Variants in KCNH7 observed in about 807,000 individuals in gnomAD.
The protein encoded by KCNH7 is voltage-gated inwardly rectifying potassium channel KCNH7.
KCNH7 carries 49 observed loss-of-function variants against 120.8 expected under a neutral mutation model. The observed-to-expected ratio is 0.41, with a 90% CI of 0.32 to 0.51. The LOEUF is 0.51. Among genes scored for constraint, KCNH7 ranks in the 20% least tolerant of loss-of-function variants. The pLI is 0.38. For missense variants in KCNH7, 1,097 were observed against 1,446.6 expected (o/e 0.76, Z 3.92); for synonymous variants, 547 against 516.1 (o/e 1.06, Z -0.81).
intron 2 of KCNH7, among the ~76,000 whole-genome samples, chr2:162,606,903 C>T (rs1682791545): frequency 6.6e-6 from 1 of 151,960 alleles, no homozygotes; most frequent in African/African-American, 2.4e-5. Context: ...CGAGAAACAG[C>T]TTAAATTTTA....
intron 2 of KCNH7, among the ~76,000 whole-genome samples, chr2:162,546,670 T>C (rs753449570): frequency 7.2e-5 from 11 of 152,174 alleles, no homozygotes; most frequent in Non-Finnish European, 1.6e-4. Context: ...TTGTGCTCTA[T>C]GTTTATAGCT....
At chr2:162,569,144 G>A (rs1484638404) in intron 2 of KCNH7, among the ~76,000 whole-genome samples, 2 of 152,078 alleles carry the variant, frequency 1.3e-5, no homozygotes, top group East Asian at 1.9e-4. Flanking sequence ...ATTCGGCTGT[G>A]AATCCATCTG....
intron 2 of KCNH7, among the ~76,000 whole-genome samples, chr2:162,625,775 A>G (rs1336282309): frequency 6.6e-6 from 1 of 152,162 alleles, no homozygotes; most frequent in African/African-American, 2.4e-5. Flanking sequence ...AGAAGCTATA[A>G]TAACAGGAAA....
At chr2:162,609,856 C>A (rs192145676) in intron 2 of KCNH7, among the ~76,000 whole-genome samples, 28 of 152,198 alleles carry the variant, frequency 1.8e-4, no homozygotes, top group Middle Eastern at 3.4e-3. Flanking sequence ...ACTCTGGGGA[C>A]GGGTCTGGTC....
In KCNH7 at chr2:162,527,922, C is replaced by T. The variant is rs77904604; in HGVS notation, c.463+9003G>A. On this transcript the variant is annotated intron_variant, in intron 3 of 15. Transcript: ENST00000332142. ...ATTAACCTAGACCATGGTTTTCATA[C>T]CTTCTTGGGCATCAGAATGACCTGA... 3.8e-4 allele frequency: 57 copies of T among 151,948 alleles called. No homozygotes were observed. In the East Asian group the frequency reaches 0.01, roughly 27 times the overall value. 9.4% of individuals were successfully genotyped at this position (151,948 alleles called of 1,614,324 possible).
chr2:162,582,888 C>T (rs952414135), intron 2 of KCNH7, among the ~76,000 whole-genome samples: 1 of 152,014 alleles, frequency 6.6e-6, no homozygotes, highest in Non-Finnish European at 1.5e-5. Flanking sequence ...TAGAGGACAC[C>T]TGTATCTAGA....
intron 2 of KCNH7, among the ~76,000 whole-genome samples, chr2:162,549,941 A>C (rs1344263076): frequency 6.6e-6 from 1 of 152,198 alleles, no homozygotes; most frequent in Admixed American, 6.5e-5. Context: ...AATTTGTTTC[A>C]TTGATATTTT....
chr2:162,675,004 AT>A (rs959307660), intron 2 of KCNH7, among the ~76,000 whole-genome samples: 1 of 151,620 alleles, frequency 6.6e-6, no homozygotes, highest in Admixed American at 6.6e-5. Flanking sequence ...AACTCAAGAA[AT>A]TTATAATGAC....
Position 162,379,922 on chromosome 2 carries a change from T to C in KCNH7, c.3062A>G (p.Glu1021Gly), listed in dbSNP as rs780934690. 5 of 1,614,054 alleles carry C rather than the reference T, an allele frequency of 3.1e-6. No homozygotes were observed. Among genetic ancestry groups the C allele is most frequent in the Non-Finnish European group, 3.4e-6 (4 of 1,179,962 alleles). The change falls in exon 14 of 16, where the codon GAA becomes GGA. Residue 1021 changes from glutamate (E) to glycine (G), a missense_variant. Glu to Gly is a moderately conservative substitution (Grantham distance 98). This residue lies in a region of KCNH7 where 406 missense variants were observed against 410.5 expected (regional missense o/e 0.99). Transcript: ENST00000332142. ...CCCGTAGGTGAGGTCGCTTTCGGTT[T>C]CAGAGATACCCCAGGCAGCTCGCTG... ...ALQRAAWGIS[E>G]TESDLTYGEV...
At chr2:162,373,418 C>T (rs1686037009) in intron 15 of KCNH7, 52 bp downstream of exon 15, 2 of 1,283,274 alleles carry the variant, frequency 1.6e-6, no homozygotes, top group Admixed American at 5.6e-5. Flanking sequence ...TTAGGTGACC[C>T]CTGGAAACAC....
intron 2 of KCNH7, among the ~76,000 whole-genome samples, chr2:162,789,801 C>A (rs1410691961): frequency 6.6e-6 from 1 of 151,660 alleles, no homozygotes; most frequent in Non-Finnish European, 1.5e-5. Context: ...TATCTTGAGA[C>A]AAAAATGAAA....
chr2:162,588,595 T>A (rs1275586773), intron 2 of KCNH7, among the ~76,000 whole-genome samples: 2 of 152,082 alleles, frequency 1.3e-5, no homozygotes, highest in Non-Finnish European at 2.9e-5. Context: ...TTGTATAGTT[T>A]AAAATTTTAT....
intron 2 of KCNH7, among the ~76,000 whole-genome samples, chr2:162,777,335 T>C (rs1683278792): frequency 6.6e-6 from 1 of 152,104 alleles, no homozygotes; most frequent in African/African-American, 2.4e-5. Flanking sequence ...ACAATGTAAA[T>C]GCCATATCAA....
chr2:162,460,627 C>A (rs1689116768), intron 6 of KCNH7, among the ~76,000 whole-genome samples: 1 of 152,244 alleles, frequency 6.6e-6, no homozygotes, highest in South Asian at 2.1e-4. Context: ...GCTCAGAGAC[C>A]ATCATAAAAC....
At chr2:162,491,929 GT>G (rs1690324423) in intron 6 of KCNH7, among the ~76,000 whole-genome samples, 1 of 152,040 alleles carries the variant, frequency 6.6e-6, no homozygotes, top group African/African-American at 2.4e-5. Context: ...TCGTGGATGG[GT>G]AATTGTGTCC....
Position 162,400,352 on chromosome 2 carries a change from C to T in KCNH7, c.2244G>A (p.Gly748=). Residue 748 remains glycine, a synonymous_variant, in exon 10 of 16, where the codon GGG becomes GGA. Coordinates refer to ENST00000332142, the MANE Select transcript of KCNH7 (RefSeq NM_033272.4). The stretch of plus-strand genomic sequence containing the variant: ...AAGCTCTAAGGCAACCTTTACTTGC[C>T]CCCCGAAAGGCTTTGCAGTTTTGCA... ...TLLQNCKAFR[G]ASKGCLRALA... 6.2e-7 allele frequency: 1 copy of T among 1,612,412 alleles called. No individual in the cohort carries two copies.
rs185125577 is a variant in KCNH7 at position 162,705,843 on chromosome 2, C to T, written c.307+130694G>A. 6.2e-3 allele frequency among the ~76,000 whole-genome samples: 950 copies of T among 152,016 alleles called. 9 individuals are homozygous for T. Among genetic ancestry groups the T allele is most frequent in the Middle Eastern group, 0.01 (3 of 294 alleles). On this transcript the variant is annotated intron_variant, in intron 2 of 15. Coordinates refer to ENST00000332142, the MANE Select transcript of KCNH7 (RefSeq NM_033272.4). The stretch of plus-strand genomic sequence containing the variant: ...GTTTTGGGAACCAATTTGGAAAAGA[C>T]CAAAAAAATGACTTAAAAATTAAGT...
At chr2:162,815,866 G>T (rs1322479465) in intron 2 of KCNH7, among the ~76,000 whole-genome samples, 2 of 152,158 alleles carry the variant, frequency 1.3e-5, no homozygotes, top group Admixed American at 1.3e-4. Context: ...GTGAAGAAGA[G>T]ATCCATCTGA....
Position 162,373,614 on chromosome 2 carries a change from C to A in KCNH7, c.3180G>T (p.Leu1060=), listed in dbSNP as rs1359501204. The change falls in exon 15 of 16, where the codon CTG becomes CTT. Residue 1060 remains leucine (L), a synonymous_variant. Coordinates refer to ENST00000332142, the MANE Select transcript of KCNH7 (RefSeq NM_033272.4). ...TTDIQTILQL[L]QKQTTVVPPA... is the part of the protein sequence containing the mutation. ...GGGGGACCACAGTGGTTTGTTTCTG[C>A]AGCAACTGTAAGATGGTCTGGATGT... is the stretch of plus-strand genomic sequence containing the variant. The A allele has an allele frequency of 6.4e-7, 1 of 1,565,170 alleles. No individual in the cohort carries two copies. Among genetic ancestry groups the A allele is most frequent in the Non-Finnish European group, 8.7e-7 (1 of 1,154,306 alleles).
Sources: allele counts gnomAD v4.1 joint callset (sites outside exome capture counted in the v4.1 genomes callset), GRCh38; gene constraint gnomAD v4.1.1; regional missense constraint gnomAD v4.1.1; transcripts MANE v1.5; gene names NCBI Gene and HGNC (gene_info 2026-07-23, HGNC 2026-07-21).